The following ESYT3 variants were observed in gnomAD, a reference collection of about 807,000 sequenced individuals.
ESYT3 encodes extended synaptotagmin-3.
Under a neutral mutation model 111.5 loss-of-function variants are expected in ESYT3, and 101 were observed. The ratio of observed to expected loss-of-function variants is 0.91; its 90% confidence interval spans 0.77 to 1.07. The LOEUF (loss-of-function observed/expected upper bound fraction) is 1.07. ESYT3 is among the 50% of genes least tolerant of loss of function. The probability of loss-of-function intolerance (pLI) is 0.00; values close to 1 mark genes in which losing one functional copy is unlikely to be tolerated. For synonymous variants in ESYT3, 416 were observed against 446.8 expected, an observed-to-expected ratio of 0.93 and a Z score of 0.87; for missense variants, 1,097 against 1,109.4, an observed-to-expected ratio of 0.99 and a Z score of 0.16.
downstream of ESYT3, chr3:138,479,927 G>A (rs1043119908): frequency 6.6e-6 from 1 of 152,186 alleles, no homozygotes. Flanking sequence ...CTAGTAAAAG[G>A]TGGTTAAGTT....
intron 3 of ESYT3, among the ~76,000 whole-genome samples, chr3:138,456,832 G>A (rs537781210): frequency 6.6e-6 from 1 of 152,158 alleles, no homozygotes; most frequent in Non-Finnish European, 1.5e-5. Context: ...GTTGGTCTAT[G>A]GGATGTAGCA....
At chr3:138,480,904 A>G (rs1396393442), downstream of ESYT3, 1 of 152,216 alleles carries the variant, frequency 6.6e-6, no homozygotes, top group African/African-American at 2.4e-5. Flanking sequence ...AACTGGGCCA[A>G]AAGAACAGAA....
At chr3:138,445,632 G>A (rs1372264164) in intron 1 of ESYT3, among the ~76,000 whole-genome samples, 1 of 152,228 alleles carries the variant, frequency 6.6e-6, no homozygotes, top group African/African-American at 2.4e-5. Flanking sequence ...GGCAGAACTG[G>A]ACACATAGCT....
chr3:138,474,138 C>G (rs967569157), intron 19 of ESYT3, 83 bp from the exon 20 acceptor site: 116 of 1,549,222 alleles, frequency 7.5e-5, no homozygotes, highest in Non-Finnish European at 9.4e-5. Flanking sequence ...TTGAAACTCT[C>G]AAACACTGAA....
Position 138,468,875 on chromosome 3 carries a change from T to G in ESYT3, c.1428T>G (p.Phe476Leu), listed in dbSNP as rs1227854451. The G allele has an allele frequency of 8.1e-6, 13 of 1,614,090 alleles. No individual in the cohort carries two copies. The South Asian group carries it at 1.4e-4, about 18-fold the overall frequency. ...ATCGAGCCAAAAAACTCTCCAGGTT[T>G]GCCAGAGTGAGTGAGTATGTGGCTA... ...GEYRAKKLSR[F>L]ARNKVSKDPS... The change falls in exon 14 of 23, where the codon TTT becomes TTG. Residue 476 changes from phenylalanine to leucine, a missense_variant. By Grantham distance (22) the Phe-to-Leu change is conservative. Transcript: ENST00000389567.
intron 18 of ESYT3, 30 bp from the exon 19 acceptor site, chr3:138,473,506 C>T (rs748115855): frequency 1.3e-5 from 21 of 1,594,668 alleles, no homozygotes; most frequent in Non-Finnish European, 1.5e-5. Context: ...CTTGTTATGG[C>T]GAGAGAAGTG....
At chr3:138,454,480 C>T (rs1027030729) in intron 2 of ESYT3, among the ~76,000 whole-genome samples, 1 of 152,166 alleles carries the variant, frequency 6.6e-6, no homozygotes, top group Admixed American at 6.5e-5. Flanking sequence ...ATCACTTGAA[C>T]CAGGAGGTGG....
In ESYT3 at chr3:138,435,860, G is replaced by A. The variant is rs548431216; in HGVS notation, c.327+735G>A. 6.6e-6 allele frequency among the ~76,000 whole-genome samples: 1 copy of A among 152,334 alleles called. No homozygotes were observed. Among genetic ancestry groups the A allele is most frequent in the Non-Finnish European group, 1.5e-5 (1 of 68,024 alleles). ...CCCAGGGTGGCACAGAGGTATCCTGGGTGATTCTTATGATTAGGTGAGCTT... is the reference window on the plus strand; with the variant it reads ...CCCAGGGTGGCACAGAGGTATCCTGAGTGATTCTTATGATTAGGTGAGCTT... On this transcript the variant is annotated intron_variant, in intron 1 of 22. Transcript: ENST00000389567. This position sits in a 1 kb window ranked among gnomAD's most constrained non-coding sequence, Gnocchi z 4.8.
intron 9 of ESYT3, 62 bp downstream of exon 9, chr3:138,464,577 A>G: frequency 1.3e-6 from 2 of 1,570,100 alleles, no homozygotes; most frequent in Non-Finnish European, 1.7e-6. Context: ...GAGGCAATCC[A>G]GGGGCAACAC....
At chr3:138,474,538 A>G (rs1349505048) in intron 20 of ESYT3, 186 bp downstream of exon 20, 1 of 546,860 alleles carries the variant, frequency 1.8e-6, no homozygotes, top group Non-Finnish European at 2.9e-6. Flanking sequence ...AAGTTTATCA[A>G]AATGGCCACC....
intron 20 of ESYT3, 74 bp from the exon 21 acceptor site, chr3:138,476,149 T>C: frequency 1.0e-6 from 1 of 981,910 alleles, no homozygotes; most frequent in Non-Finnish European, 1.6e-6. Context: ...AGTAGGGAAA[T>C]GGATGAAGCA....
At position 138,468,705 on chromosome 3, in the gene ESYT3, C is replaced by T. The variant is rs570946554; in HGVS notation, c.1359C>T (p.Ala453=). The change falls in exon 13 of 23, where the codon GCC becomes GCT. Residue 453 remains alanine, a synonymous_variant. Transcript: ENST00000389567. ...TTCTCGTGGTCTTCTTGGAGAGTGC[C>T]TGCAACTTGCCGGTGAGTGGCGACA... ...TAILVVFLES[A]CNLPRNPFDY... The T allele has an allele frequency of 4.3e-6, 7 of 1,614,152 alleles. No homozygotes were observed. In the East Asian group the frequency reaches 1.6e-4, roughly 36 times the overall value.
intron 1 of ESYT3, among the ~76,000 whole-genome samples, chr3:138,439,630 C>T (rs2030992146): frequency 6.6e-6 from 1 of 152,182 alleles, no homozygotes; most frequent in Admixed American, 6.5e-5. Context: ...CTCATTCAGC[C>T]ATTGATCAGT....
Position 138,455,348 on chromosome 3 carries a change from G to T in ESYT3, c.504+20G>T, listed in dbSNP as rs1020111600. On this transcript the variant is annotated intron_variant, in intron 3 of 22. Coordinates refer to ENST00000389567, the MANE Select transcript of ESYT3 (RefSeq NM_031913.5). ...CAGAAGGTGGGTGTGTCTCGGGAGG[G>T]TCAGCCTGGACTGGCTGTGCAGTCT... is the stretch of plus-strand genomic sequence containing the variant. The T allele has an allele frequency of 6.2e-7, 1 of 1,613,622 alleles. No homozygotes were observed. The highest frequency in any genetic ancestry group is 1.3e-5 in the African/African-American group (1 of 74,994).
At chr3:138,443,712 G>A (rs1041866500) in intron 1 of ESYT3, among the ~76,000 whole-genome samples, 1 of 146,060 alleles carries the variant, frequency 6.8e-6, no homozygotes, top group Non-Finnish European at 1.5e-5. Context: ...CTGCGTGTGT[G>A]TCCACACATC....
chr3:138,480,391 T>C (rs1344425843), downstream of ESYT3: 1 of 118,636 alleles, frequency 8.4e-6, no homozygotes. Context: ...TGTTCAACAA[T>C]GTATTGCAGC....
downstream of ESYT3, chr3:138,480,572 A>C (rs967575369): frequency 1.3e-5 from 2 of 152,200 alleles, no homozygotes; most frequent in African/African-American, 4.8e-5. Flanking sequence ...GTTCCCTAAG[A>C]GAAAATAAGT....
chr3:138,451,444 A>T (rs924737809), intron 1 of ESYT3, among the ~76,000 whole-genome samples: 1 of 152,118 alleles, frequency 6.6e-6, no homozygotes, highest in Non-Finnish European at 1.5e-5. Context: ...CTTTTTGTTT[A>T]GGTGATGTTT....
chr3:138,436,016 C>T (rs1164812465), intron 1 of ESYT3, among the ~76,000 whole-genome samples: 1 of 152,154 alleles, frequency 6.6e-6, no homozygotes, highest in Non-Finnish European at 1.5e-5. Flanking sequence ...GGGAGGTCGC[C>T]AGACCCCTCA....
Sources: gnomAD v4.1 joint callset for allele counts (sites outside exome capture counted in the v4.1 genomes callset) on GRCh38, gnomAD v4.1.1 for gene constraint, Gnocchi (gnomAD v3.1) non-coding constraint, MANE v1.5 for transcripts, NCBI Gene and HGNC (gene_info 2026-07-23, HGNC 2026-07-21) for gene names.